The following CIT variants were observed in gnomAD, a reference collection of about 807,000 sequenced individuals.
The protein encoded by CIT is citron Rho-interacting kinase.
In CIT, 79 loss-of-function variants were observed where a neutral mutation model predicts 272.7. The observed-to-expected ratio is 0.29, with a 90% CI of 0.24 to 0.35. CIT has a LOEUF of 0.35. Ranked by LOEUF, CIT falls within the 10% of genes least tolerant of loss-of-function variation. The pLI, the probability that CIT is intolerant of heterozygous loss-of-function variation, is 1.00. For missense variants in CIT, 1,909 were observed against 2,618.3 expected (o/e 0.73, Z 5.91); for synonymous variants, 948 against 995.6 (o/e 0.95, Z 0.90).
intron 46 of CIT, among the ~76,000 whole-genome samples, chr12:119,692,396 T>C (rs887006672): frequency 6.6e-6 from 1 of 152,268 alleles, no homozygotes; most frequent in Admixed American, 6.5e-5. Flanking sequence ...ATCAACTTGT[T>C]CATTTCTTTC....
chr12:119,728,383 G>A lies in CIT; in HGVS notation c.3591+119C>T. The A allele has an allele frequency of 1.5e-6, 1 of 672,800 alleles. No individual in the cohort carries two copies. Among genetic ancestry groups the A allele is most frequent in the Non-Finnish European group, 2.6e-6 (1 of 378,112 alleles). 41.7% of individuals were successfully genotyped at this position (672,800 alleles called of 1,614,324 possible). A position where few individuals can be genotyped will look rare whatever the true frequency, so the allele number is the denominator to read the frequency against. ...GGAGGAGGAGACAGGGAGTATGTGG[G>A]AACTCTCTGTGCTTTCTGCTCAATT... On this transcript the variant is annotated intron_variant, in intron 28 of 47. Coordinates refer to ENST00000392521, the MANE Select transcript of CIT (RefSeq NM_001206999.2). The surrounding 1 kb of genome is among the most constrained non-coding windows in gnomAD (Gnocchi z 4.3).
Position 119,686,777 on chromosome 12 carries a change from C to G in CIT, c.*1455G>C, listed in dbSNP as rs1593340983. On this transcript the variant is annotated 3_prime_UTR_variant, in exon 48 of 48. Transcript: ENST00000392521. ...CAAAGCCTCTAGGTTGGTTCTGTAC[C>G]AGTTGCCAGGAATTTCGTACTCTAA... 1 of 152,728 alleles carries G rather than the reference C, an allele frequency of 6.5e-6. No homozygotes were observed. The highest frequency in any genetic ancestry group is 1.5e-5 in the Non-Finnish European group (1 of 68,038). The allele number at this position is 152,728 out of a possible 1,614,324, so 9.5% of individuals were successfully genotyped here.
At chr12:119,737,380 C>G (rs1386046481) in intron 24 of CIT, among the ~76,000 whole-genome samples, 3 of 138,830 alleles carry the variant, frequency 2.2e-5, no homozygotes, top group African/African-American at 8.0e-5. Flanking sequence ...TATAGAAAGT[C>G]TACTCACATG....
chr12:119,812,451 T>G (rs1305322532), intron 9 of CIT, among the ~76,000 whole-genome samples: 1 of 152,108 alleles, frequency 6.6e-6, no homozygotes, highest in African/African-American at 2.4e-5. Context: ...CCAACTTTTT[T>G]TTTTTAGAGA....
chr12:119,726,799 G>A (rs1053111359), intron 28 of CIT, among the ~76,000 whole-genome samples: 1 of 152,172 alleles, frequency 6.6e-6, no homozygotes, highest in Admixed American at 6.5e-5. Context: ...ACAGGGCTCT[G>A]GTTGGGGAGT....
rs777699580 is a variant in CIT, at chr12:119,776,678, C to T, written c.1830G>A (p.Leu610=). Residue 610 remains leucine (L), a synonymous_variant, in exon 14 of 48, where the codon CTG becomes CTA. Transcript: ENST00000392521. The stretch of plus-strand genomic sequence containing the variant: ...CTGGAGGGTGGCTGACTACCTTCAA[C>T]AGTTTATGCTGACATTCTGTCGCTT... ...KRKATECQHK[L]LKAKDQGKPE... The T allele has an allele frequency of 2.3e-5, 37 of 1,613,422 alleles. No homozygotes were observed. Among genetic ancestry groups the T allele is most frequent in the Non-Finnish European group, 1.1e-5 (13 of 1,179,908 alleles).
At position 119,701,576 on chromosome 12, in the gene CIT, T is replaced by C. The variant is rs779143986; in HGVS notation, c.5542+48A>G. On this transcript the variant is annotated intron_variant, in intron 43 of 47. Coordinates refer to ENST00000392521, the MANE Select transcript of CIT (RefSeq NM_001206999.2). ...CCTCCTCCAACCCCTCATGGGTCCC[T>C]AGTGTCCATGAGGACCCAAAAGGGC... is the stretch of plus-strand genomic sequence containing the variant. 2.5e-6 allele frequency: 4 copies of C among 1,599,794 alleles called. No individual in the cohort carries two copies. In the African/African-American group the frequency reaches 4.0e-5, roughly 16 times the overall value.
At position 119,822,956 on chromosome 12, in the gene CIT, T is replaced by C. The variant is rs373238484; in HGVS notation, c.975A>G (p.Pro325=). 1.9e-6 allele frequency: 3 copies of C among 1,606,872 alleles called. No homozygotes were observed. Among genetic ancestry groups the C allele is most frequent in the African/African-American group, 1.3e-5 (1 of 74,404 alleles). The change falls in exon 9 of 48, where the codon CCA becomes CCG. Residue 325 remains proline, a synonymous_variant. Transcript: ENST00000392521. ...IMNFQRFLKF[P]DDPKVSSDFL... The stretch of plus-strand genomic sequence containing the variant: ...AGTCACTGCTCACTTTGGGGTCATC[T>C]GGAAATTTCAAAAACCGCTGTTCCA...
intron 6 of CIT, among the ~76,000 whole-genome samples, chr12:119,833,154 T>C (rs1474495322): frequency 6.6e-6 from 1 of 152,090 alleles, no homozygotes; most frequent in African/African-American, 2.4e-5. Context: ...TATTATTCAA[T>C]GGATTATTTC....
Position 119,734,334 on chromosome 12 carries a change from C to T in CIT, c.3180G>A (p.Thr1060=), listed in dbSNP as rs751912806. ...TGACCTGTTCCTCCAGCATGGTGCACGTGGTCTTCAGAGCCTCCATCGTCT... is the reference window on the plus strand; with the variant it reads ...TGACCTGTTCCTCCAGCATGGTGCATGTGGTCTTCAGAGCCTCCATCGTCT... ...QKQTMEALKT[T]CTMLEEQVMD... Residue 1060 remains threonine, a synonymous_variant, in exon 26 of 48, where the codon ACG becomes ACA. Transcript: ENST00000392521. 2.5e-5 allele frequency: 40 copies of T among 1,613,602 alleles called. No individual in the cohort carries two copies. The highest frequency in any genetic ancestry group is 2.3e-4 in the Admixed American group (14 of 60,022).
intron 44 of CIT, chr12:119,700,028 A>C: frequency 2.4e-6 from 1 of 413,924 alleles, no homozygotes; most frequent in South Asian, 1.7e-5. Flanking sequence ...TGTTCATCGT[A>C]GTGTTGTTTA....
intron 47 of CIT, among the ~76,000 whole-genome samples, chr12:119,689,399 A>C (rs1382296783): frequency 6.6e-6 from 1 of 152,040 alleles, no homozygotes; most frequent in East Asian, 1.9e-4. Context: ...GAAAAAAAAA[A>C]AAAGAAAAGC....
At chr12:119,874,464 T>G (rs1950779212) in intron 2 of CIT, among the ~76,000 whole-genome samples, 1 of 152,198 alleles carries the variant, frequency 6.6e-6, no homozygotes, top group South Asian at 2.1e-4. Context: ...CTTCATGGTC[T>G]CTATTGTCCC....
At chr12:119,872,662 T>C (rs111656012) in intron 2 of CIT, among the ~76,000 whole-genome samples, 1 of 152,198 alleles carries the variant, frequency 6.6e-6, no homozygotes, top group Non-Finnish European at 1.5e-5. Context: ...TGTGGCCCAA[T>C]GGCTATGTGG....
chr12:119,831,461 TA>T (rs1968623083), intron 7 of CIT, among the ~76,000 whole-genome samples: 1 of 152,134 alleles, frequency 6.6e-6, no homozygotes, highest in Non-Finnish European at 1.5e-5. Context: ...TTATCTCAAG[TA>T]GGTCTCAGGT....
chr12:119,734,457 T>C, intron 25 of CIT, 100 bp from the exon 26 acceptor site: 1 of 1,273,520 alleles, frequency 7.9e-7, no homozygotes. Flanking sequence ...AGTTTCTAAC[T>C]ACAGTTTGAA....
Position 119,728,281 on chromosome 12 carries a change from C to T in CIT, c.3591+221G>A, listed in dbSNP as rs1446831977. 2.6e-5 allele frequency among the ~76,000 whole-genome samples: 4 copies of T among 152,102 alleles called. No individual in the cohort carries two copies. The highest frequency in any genetic ancestry group is 5.9e-5 in the Non-Finnish European group (4 of 68,030). On this transcript the variant is annotated intron_variant, in intron 28 of 47. Coordinates refer to ENST00000392521, the MANE Select transcript of CIT (RefSeq NM_001206999.2). The surrounding 1 kb of genome is among the most constrained non-coding windows in gnomAD (Gnocchi z 4.3). The stretch of plus-strand genomic sequence containing the variant: ...TTAAACTATGCATTTGGGGTGATGA[C>T]GATGTGTCAGTGCAGGCCCATTGAT...
In CIT at chr12:119,694,202, T is replaced by G. The variant is rs1956105553; in HGVS notation, c.5882+3457A>C. On this transcript the variant is annotated intron_variant, in intron 46 of 47. Coordinates refer to ENST00000392521, the MANE Select transcript of CIT (RefSeq NM_001206999.2). The surrounding 1 kb of genome is among the most constrained non-coding windows in gnomAD (Gnocchi z 4.5). ...GAAAACTCCACACTGTCCATCAGAT[T>G]TACAAATCCACATCAGCCATCACCC... Among the ~76,000 whole-genome samples, 1 of 152,148 alleles carries G rather than the reference T, an allele frequency of 6.6e-6. No homozygotes were observed. Among genetic ancestry groups the G allele is most frequent in the Non-Finnish European group, 1.5e-5 (1 of 68,036 alleles).
chr12:119,725,923 A>C (rs1036594471), intron 28 of CIT, among the ~76,000 whole-genome samples: 2 of 152,104 alleles, frequency 1.3e-5, no homozygotes, highest in Admixed American at 1.3e-4. Context: ...CTAATTCTCT[A>C]TTTGACCACG....
Sources: gnomAD v4.1 joint callset for allele counts (sites outside exome capture counted in the v4.1 genomes callset) on GRCh38, gnomAD v4.1.1 for gene constraint, Gnocchi (gnomAD v3.1) non-coding constraint, MANE v1.5 for transcripts, NCBI Gene and HGNC (gene_info 2026-07-23, HGNC 2026-07-21) for gene names.